EHMT1: variants seen among roughly 807,000 people sequenced by gnomAD.
EHMT1 encodes histone-lysine N-methyltransferase EHMT1.
EHMT1 carries 15 observed loss-of-function variants against 147.2 expected under a neutral mutation model. The ratio of observed to expected loss-of-function variants is 0.10; its 90% CI spans 0.07 to 0.16. The LOEUF (loss-of-function observed/expected upper bound fraction) is 0.16. Ranked by LOEUF, EHMT1 falls within the 10% of genes least tolerant of loss-of-function variation. The pLI, the probability that EHMT1 is intolerant of heterozygous loss-of-function variation, is 1.00. For missense variants in EHMT1, 1,587 were observed against 1,772.4 expected, an observed-to-expected ratio of 0.90 and a Z score of 1.88; for synonymous variants, 795 against 709.6, an observed-to-expected ratio of 1.12 and a Z score of -1.91.
intron 1 of EHMT1, among the ~76,000 whole-genome samples, chr9:137,680,008 T>C (rs1941783621): frequency 6.6e-6 from 1 of 152,212 alleles, no homozygotes; most frequent in African/African-American, 2.4e-5. Context: ...AGTGTTTGAT[T>C]ATTCTCCTTT....
At chr9:137,760,404 G>A (rs757720772) in intron 9 of EHMT1, among the ~76,000 whole-genome samples, 1 of 152,148 alleles carries the variant, frequency 6.6e-6, no homozygotes, top group Non-Finnish European at 1.5e-5. Context: ...TTAAAAATCA[G>A]GTTGCTGAGC....
intron 1 of EHMT1, among the ~76,000 whole-genome samples, chr9:137,688,905 T>A (rs1564590541): frequency 6.6e-6 from 1 of 152,190 alleles, no homozygotes; most frequent in East Asian, 1.9e-4. Context: ...TTCTGAGCTC[T>A]GATCTGCTAT....
intron 15 of EHMT1, chr9:137,785,145 G>C (rs530553193): frequency 6.5e-6 from 1 of 153,724 alleles, no homozygotes; most frequent in African/African-American, 2.4e-5. Flanking sequence ...TGTGGGGCTC[G>C]AGAGCAGATG....
chr9:137,768,675 A>G (rs1950399453), intron 10 of EHMT1, among the ~76,000 whole-genome samples: 2 of 147,144 alleles, frequency 1.4e-5, no homozygotes, highest in Admixed American at 1.4e-4. Flanking sequence ...TCAGCCTCCC[A>G]AGTAGCTGGG....
At chr9:137,725,837 C>A (rs780463665) in intron 3 of EHMT1, among the ~76,000 whole-genome samples, 12 of 152,122 alleles carry the variant, frequency 7.9e-5, no homozygotes, top group Non-Finnish European at 1.5e-4. Flanking sequence ...TTCCAGCTCG[C>A]CCTGGCACAC....
At chr9:137,805,853 G>A (rs1564797299) in intron 18 of EHMT1, among the ~76,000 whole-genome samples, 2 of 151,218 alleles carry the variant, frequency 1.3e-5, no homozygotes, top group Non-Finnish European at 2.9e-5. Context: ...AGTAGAGACG[G>A]GGTTTCACCA....
intron 1 of EHMT1, among the ~76,000 whole-genome samples, chr9:137,644,756 C>T (rs1042674417): frequency 6.6e-6 from 1 of 152,150 alleles, no homozygotes; most frequent in Non-Finnish European, 1.5e-5. Flanking sequence ...GTCATTGTTT[C>T]CAAAGCACCT....
chr9:137,784,243 G>A (rs1951787951), intron 15 of EHMT1: 17 of 1,532,514 alleles, frequency 1.1e-5, no homozygotes, highest in East Asian at 4.9e-5. Flanking sequence ...GGACCAGGCC[G>A]CCCACAGGGA....
At chr9:137,724,484 C>T (rs767020294) in intron 3 of EHMT1, among the ~76,000 whole-genome samples, 47 of 152,222 alleles carry the variant, frequency 3.1e-4, no homozygotes, top group Non-Finnish European at 5.7e-4. Context: ...ATTCTCACCT[C>T]AGTTAAGCCA....
At chr9:137,778,714 C>T (rs1951150466) in intron 13 of EHMT1, among the ~76,000 whole-genome samples, 1 of 152,226 alleles carries the variant, frequency 6.6e-6, no homozygotes, top group Non-Finnish European at 1.5e-5. Context: ...TTCCTGACCC[C>T]ACTCTCTCCC....
At position 137,724,944 on chromosome 9, in the gene EHMT1, G is replaced by GGGCAGGCGTGTGGCATTCCTGT. The variant is rs1554851365; in HGVS notation, c.643-3387_643-3386insCTGTGGCAGGCGTGTGGCATTC. Among the ~76,000 whole-genome samples, 450 of 125,732 alleles carry GGGCAGGCGTGTGGCATTCCTGT rather than the reference G, an allele frequency of 3.6e-3. 6 individuals are homozygous for GGGCAGGCGTGTGGCATTCCTGT. The highest frequency in any genetic ancestry group is 0.019 in the African/African-American group (382 of 19,738). The allele number at this position is 125,732 out of a possible 152,430, so 82.5% of individuals were successfully genotyped here. A position where few individuals can be genotyped will look rare whatever the true frequency, so the allele number is the denominator to read the frequency against. On this transcript the variant is annotated intron_variant, in intron 3 of 26. Transcript: ENST00000460843. ...GTGTGGCAGGCTTGTGGCATTCGTG[G>GGGCAGGCGTGTGGCATTCCTGT]GGCAGGCGTGTGGCATTCATGGGGC...
At position 137,834,838 on chromosome 9, in the gene EHMT1, C is replaced by G. The variant is rs754425408; in HGVS notation, c.3782C>G (p.Pro1261Arg). The part of the protein sequence containing the change: ...GKLFSCRCGS[P>R]KCRHSSAALA... ...CTCTTCAGCTGCCGCTGCGGCTCCC[C>G]CAAGTGCCGGCACTCGAGCGCGGCC... Residue 1261 changes from proline (P) to arginine (R), a missense_variant, in exon 27 of 27, where the codon CCC becomes CGC. Physicochemically the swap from Pro to Arg is moderately radical, Grantham distance 103 (BLOSUM62 -2). Coordinates refer to ENST00000460843, the MANE Select transcript of EHMT1 (RefSeq NM_024757.5). 4.3e-6 allele frequency: 7 copies of G among 1,612,566 alleles called. No homozygotes were observed. Among genetic ancestry groups the G allele is most frequent in the Middle Eastern group, 1.7e-4 (1 of 5,898 alleles).
chr9:137,756,471 C>T (rs895414704), intron 8 of EHMT1, among the ~76,000 whole-genome samples: 1 of 152,148 alleles, frequency 6.6e-6, no homozygotes, highest in Non-Finnish European at 1.5e-5. Context: ...GTTGGGGAGG[C>T]GTCATCCCCT....
intron 4 of EHMT1, among the ~76,000 whole-genome samples, chr9:137,733,188 G>A (rs979200202): frequency 6.6e-5 from 10 of 152,224 alleles, no homozygotes; most frequent in African/African-American, 1.9e-4. Context: ...ATGCGTTTAT[G>A]TGACAGCCCC....
At chr9:137,724,880 T>C (rs925880224) in intron 3 of EHMT1, among the ~76,000 whole-genome samples, 2 of 144,186 alleles carry the variant, frequency 1.4e-5, no homozygotes, top group Admixed American at 6.8e-5. Flanking sequence ...GGCAGACGTG[T>C]GGCATTCGTG....
intron 14 of EHMT1, among the ~76,000 whole-genome samples, chr9:137,780,332 TGTGTGGTGATGACGCTGAGAC>T (rs1564746177): frequency 2.4e-5 from 2 of 83,600 alleles, no homozygotes; most frequent in African/African-American, 5.0e-5. Flanking sequence ...ATCACTGAGA[TGTGTGGTGATGACGCTGAGAC>T]GTGTGGTGAT....
chr9:137,756,038 G>A (rs755058066), intron 8 of EHMT1, among the ~76,000 whole-genome samples: 8 of 152,190 alleles, frequency 5.3e-5, no homozygotes, highest in Non-Finnish European at 7.4e-5. Context: ...AAGAGCAAAC[G>A]TTTTTAAGGT....
At chr9:137,746,566 T>G (rs1389100735) in intron 6 of EHMT1, 1 of 152,246 alleles carries the variant, frequency 6.6e-6, no homozygotes, top group Non-Finnish European at 1.5e-5. Context: ...CTAATACTTC[T>G]TTTATTTCAT....
intron 1 of EHMT1, among the ~76,000 whole-genome samples, chr9:137,671,505 T>TGGATC (rs1940626078): frequency 6.7e-6 from 1 of 150,002 alleles, no homozygotes; most frequent in African/African-American, 2.4e-5. Context: ...CCCGAAGAGT[T>TGGATC]GGATCCTTTT....
Sources: allele counts gnomAD v4.1 joint callset (sites outside exome capture counted in the v4.1 genomes callset), GRCh38; gene constraint gnomAD v4.1.1; transcripts MANE v1.5; gene names NCBI Gene and HGNC (gene_info 2026-07-23, HGNC 2026-07-21).